Variants in FRMD4A observed in about 807,000 individuals in gnomAD.
The protein encoded by FRMD4A is FERM domain-containing protein 4A.
In FRMD4A, 29 loss-of-function variants were observed where a neutral mutation model predicts 129.1. That is an observed-to-expected ratio of 0.22 (90% CI 0.17 to 0.31). FRMD4A has a LOEUF of 0.31. Ranked by LOEUF, FRMD4A falls within the 10% of genes least tolerant of loss-of-function variation. The probability of loss-of-function intolerance (pLI) is 1.00; values close to 1 mark genes in which losing one functional copy is unlikely to be tolerated. For synonymous variants in FRMD4A, 634 were observed against 571.6 expected (o/e 1.11, Z -1.56); for missense variants, 1,272 against 1,375.8 (o/e 0.92, Z 1.19).
chr10:14,137,030 G>A (rs147096303), intron 2 of FRMD4A, among the ~76,000 whole-genome samples: 17 of 152,218 alleles, frequency 1.1e-4, no homozygotes, highest in East Asian at 5.8e-4. Context: ...AATTATTGTC[G>A]TTTGCTGATT....
rs140906523 is a variant in FRMD4A, at chr10:13,699,593, G to A, written c.975+1747C>T. ...GCCAATGCTGTGCTATCCTCAGGGC[G>A]AGATACACCTTTTCCTCTGTCCACA... On this transcript the variant is annotated intron_variant, in intron 14 of 24. Transcript: ENST00000357447. Among the ~76,000 whole-genome samples, 105 of 152,312 alleles carry A rather than the reference G, an allele frequency of 6.9e-4. 4 individuals are homozygous for A. The East Asian group carries it at 0.017, about 25-fold the overall frequency.
intron 2 of FRMD4A, among the ~76,000 whole-genome samples, chr10:14,312,630 T>A (rs1352727084): frequency 6.6e-6 from 1 of 152,128 alleles, no homozygotes; most frequent in Non-Finnish European, 1.5e-5. Flanking sequence ...TTAAATAAAT[T>A]ATGAGTCATT....
chr10:14,264,403 AAAC>A (rs779990676), intron 2 of FRMD4A, among the ~76,000 whole-genome samples: 4 of 152,214 alleles, frequency 2.6e-5, no homozygotes, highest in Non-Finnish European at 5.9e-5. Context: ...ATCATTCTAA[AAAC>A]AACAACAACA....
chr10:13,663,532 C>T, intron 18 of FRMD4A, 23 bp from the exon 19 acceptor site: 4 of 1,283,460 alleles, frequency 3.1e-6, no homozygotes, highest in Non-Finnish European at 4.6e-6. Context: ...AAAGCAATAG[C>T]CTATGAGTTC....
intron 2 of FRMD4A, among the ~76,000 whole-genome samples, chr10:14,118,753 G>C (rs1484345094): frequency 6.6e-6 from 1 of 152,118 alleles, no homozygotes; most frequent in African/African-American, 2.4e-5. Flanking sequence ...TTACTACAAC[G>C]AGAACAGTAC....
chr10:13,890,271 A>G (rs1022005284), intron 2 of FRMD4A, among the ~76,000 whole-genome samples: 5 of 152,210 alleles, frequency 3.3e-5, no homozygotes, highest in African/African-American at 7.2e-5. Context: ...TGCTGCCCCC[A>G]ATGCAAAAGC....
chr10:13,934,484 A>G (rs923680279), intron 2 of FRMD4A, among the ~76,000 whole-genome samples: 1 of 151,664 alleles, frequency 6.6e-6, no homozygotes, highest in African/African-American at 2.4e-5. Context: ...TTTTTTTTTA[A>G]ATGGAGATGC....
intron 15 of FRMD4A, among the ~76,000 whole-genome samples, chr10:13,679,474 T>TAA (rs1308155926): frequency 3.2e-5 from 1 of 31,468 alleles, no homozygotes; most frequent in African/African-American, 1.3e-4. Flanking sequence ...TATATATATA[T>TAA]ACACACACAC....
At chr10:13,728,716 G>A (rs1428068016) in intron 12 of FRMD4A, among the ~76,000 whole-genome samples, 2 of 151,592 alleles carry the variant, frequency 1.3e-5, no homozygotes, top group African/African-American at 2.4e-5. Flanking sequence ...GATTACAGGC[G>A]TATATCACCA....
At chr10:13,852,986 G>C (rs1316130362) in intron 3 of FRMD4A, among the ~76,000 whole-genome samples, 1 of 152,284 alleles carries the variant, frequency 6.6e-6, no homozygotes, top group East Asian at 1.9e-4. Context: ...ACTAGTCACA[G>C]TTTGCTCCAC....
intron 2 of FRMD4A, among the ~76,000 whole-genome samples, chr10:13,878,132 T>C (rs1367522371): frequency 6.6e-6 from 1 of 151,616 alleles, no homozygotes; most frequent in African/African-American, 2.4e-5. Context: ...TTATGTTGTA[T>C]CTGTTAGTCA....
intron 2 of FRMD4A, among the ~76,000 whole-genome samples, chr10:14,073,381 A>T (rs1835408055): frequency 6.6e-6 from 1 of 152,064 alleles, no homozygotes; most frequent in Non-Finnish European, 1.5e-5. Flanking sequence ...GAAGAATTAG[A>T]TCCATTGAGT....
chr10:14,185,005 C>T (rs1021040030), intron 2 of FRMD4A, among the ~76,000 whole-genome samples: 1 of 152,010 alleles, frequency 6.6e-6, no homozygotes, highest in African/African-American at 2.4e-5. Context: ...TGAGAGAAAA[C>T]AAAACCCAGG....
chr10:13,894,149 C>G (rs2094731732), intron 2 of FRMD4A, among the ~76,000 whole-genome samples: 1 of 152,154 alleles, frequency 6.6e-6, no homozygotes, highest in Non-Finnish European at 1.5e-5. Flanking sequence ...GCTGAGTGAG[C>G]AACTGCTGGG....
At chr10:13,797,955 C>A (rs1217193976) in intron 4 of FRMD4A, among the ~76,000 whole-genome samples, 1 of 151,914 alleles carries the variant, frequency 6.6e-6, no homozygotes, top group African/African-American at 2.4e-5. Context: ...AAAGCCCATA[C>A]CTGTGGCTAT....
intron 2 of FRMD4A, among the ~76,000 whole-genome samples, chr10:14,001,215 T>G (rs543101499): frequency 6.6e-6 from 1 of 152,204 alleles, no homozygotes; most frequent in African/African-American, 2.4e-5. Context: ...TCCCCAGAGA[T>G]TCTGATGTAC....
intron 2 of FRMD4A, among the ~76,000 whole-genome samples, chr10:14,229,680 C>T (rs901962825): frequency 2.0e-5 from 3 of 152,174 alleles, no homozygotes; most frequent in African/African-American, 7.2e-5. Context: ...CACAAGCCGT[C>T]CTCCCACCTC....
Position 13,736,818 on chromosome 10 carries a change from G to A in FRMD4A, c.759+1026C>T, listed in dbSNP as rs185795995. Among the ~76,000 whole-genome samples the A allele has an allele frequency of 2.5e-3, 380 of 152,222 alleles. 4 individuals carry two copies. The highest frequency in any genetic ancestry group is 0.01 in the Middle Eastern group (3 of 294). ...CATACCATCTCCTTTATTCTCCACC[G>A]GGGGATCTGAATGATAGCACTCGCC... On this transcript the variant is annotated intron_variant, in intron 12 of 24. Coordinates refer to ENST00000357447, the MANE Select transcript of FRMD4A (RefSeq NM_018027.5).
At position 13,657,139 on chromosome 10, in the gene FRMD4A, C is replaced by T. The variant is rs1275368939; in HGVS notation, c.2450G>A (p.Gly817Glu). 5.0e-6 allele frequency: 7 copies of T among 1,394,488 alleles called. No homozygotes were observed. The South Asian group carries it at 9.0e-5, about 18-fold the overall frequency. 86.4% of individuals were successfully genotyped at this position (1,394,488 alleles called of 1,614,324 possible). A position where few individuals can be genotyped will look rare whatever the true frequency, so the allele number is the denominator to read the frequency against. Residue 817 changes from glycine (G) to glutamate (E), a missense_variant, in exon 22 of 25, where the codon GGG becomes GAG. Physicochemically the swap from Gly to Glu is moderately conservative, Grantham distance 98 (BLOSUM62 -2). Coordinates refer to ENST00000357447, the MANE Select transcript of FRMD4A (RefSeq NM_018027.5). ...CTGGCTGTGCAGGTACACACCGCCC[C>T]CCGCGCCCCCCGCGCCCCCCGCACC... ...RGGAGGAGGA[G>E]GGVYLHSQSQ...
Sources: gnomAD v4.1 joint callset for allele counts (sites outside exome capture counted in the v4.1 genomes callset) on GRCh38, gnomAD v4.1.1 for gene constraint, MANE v1.5 for transcripts, NCBI Gene and HGNC (gene_info 2026-07-23, HGNC 2026-07-21) for gene names.